Variants in PPP1R14C observed in about 807,000 individuals in gnomAD.
The protein encoded by PPP1R14C is protein phosphatase 1 regulatory subunit 14C.
In PPP1R14C, 16 loss-of-function variants were observed where a neutral mutation model predicts 20.4. The ratio of observed to expected loss-of-function variants is 0.78; its 90% CI spans 0.53 to 1.19. PPP1R14C has a LOEUF of 1.19. Ranked by LOEUF, PPP1R14C falls within the 50% of genes most tolerant of loss-of-function variation. The pLI, the probability that PPP1R14C is intolerant of heterozygous loss-of-function variation, is 0.00. For missense variants in PPP1R14C, 211 were observed against 220.1 expected, an observed-to-expected ratio of 0.96 and a Z score of 0.26; for synonymous variants, 91 against 91.0, an observed-to-expected ratio of 1.00 and a Z score of 0.00.
intron 1 of PPP1R14C, among the ~76,000 whole-genome samples, chr6:150,212,406 A>G (rs1293865840): frequency 6.6e-6 from 1 of 152,206 alleles, no homozygotes; most frequent in African/African-American, 2.4e-5. Flanking sequence ...CACAGTCCTA[A>G]GGGGAAGATG....
At chr6:150,173,330 C>T (rs1777519290) in intron 1 of PPP1R14C, among the ~76,000 whole-genome samples, 1 of 151,530 alleles carries the variant, frequency 6.6e-6, no homozygotes, top group South Asian at 2.1e-4. Context: ...GTCTCTTATC[C>T]TTACCCTTTT....
At chr6:150,146,823 T>C (rs1777185018) in intron 1 of PPP1R14C, among the ~76,000 whole-genome samples, 2 of 152,244 alleles carry the variant, frequency 1.3e-5, no homozygotes, top group South Asian at 4.2e-4. Flanking sequence ...ATGTGTCCAC[T>C]TTGTCCTAGG....
intron 3 of PPP1R14C, among the ~76,000 whole-genome samples, chr6:150,241,206 TGAAGAACTGTGG>T (rs1188247720): frequency 6.6e-6 from 1 of 152,218 alleles, no homozygotes; most frequent in East Asian, 1.9e-4. Flanking sequence ...TAAAAATCCC[TGAAGAACTGTGG>T]GGTTCAGAGA....
chr6:150,227,651 G>A (rs1778245070), intron 3 of PPP1R14C, among the ~76,000 whole-genome samples: 1 of 152,198 alleles, frequency 6.6e-6, no homozygotes, highest in South Asian at 2.1e-4. Context: ...GGGCTGGGAT[G>A]AGGAACAGAG....
intron 2 of PPP1R14C, among the ~76,000 whole-genome samples, chr6:150,216,616 T>C (rs778475174): frequency 5.3e-5 from 8 of 152,306 alleles, no homozygotes; most frequent in Non-Finnish European, 1.2e-4. Context: ...CACATGTGTA[T>C]GCAGGCTGAA....
At chr6:150,147,031 A>T (rs1777186977) in intron 1 of PPP1R14C, among the ~76,000 whole-genome samples, 1 of 151,864 alleles carries the variant, frequency 6.6e-6, no homozygotes, top group African/African-American at 2.4e-5. Context: ...GGGAAGGCTT[A>T]TACAGGTACA....
chr6:150,215,928 A>G (rs1778085955), intron 2 of PPP1R14C, among the ~76,000 whole-genome samples: 1 of 152,192 alleles, frequency 6.6e-6, no homozygotes, highest in Admixed American at 6.5e-5. Flanking sequence ...CCAAGTTGGC[A>G]GCCAAAGGAA....
At position 150,185,680 on chromosome 6, in the gene PPP1R14C, G is replaced by A. The variant is rs1777668736; in HGVS notation, c.307-29064G>A. Among the ~76,000 whole-genome samples the A allele has an allele frequency of 6.6e-6, 1 of 152,080 alleles. No individual in the cohort carries two copies. The highest frequency in any genetic ancestry group is 2.1e-4 in the South Asian group (1 of 4,818). On this transcript the variant is annotated intron_variant, in intron 1 of 3. Transcript: ENST00000361131. This position sits in a 1 kb window ranked among gnomAD's most constrained non-coding sequence, Gnocchi z 4.1. ...TATTCCAGCAAGCAGTGACAAATCA[G>A]CTCTGTGTGTCGGTGAGGATAGGCG...
intron 1 of PPP1R14C, among the ~76,000 whole-genome samples, chr6:150,184,089 C>G (rs1025007518): frequency 6.6e-6 from 1 of 152,208 alleles, no homozygotes; most frequent in African/African-American, 2.4e-5. Context: ...ATTTTATTCT[C>G]TGTCATAGAT....
intron 3 of PPP1R14C, among the ~76,000 whole-genome samples, chr6:150,230,889 A>G (rs765577554): frequency 1.3e-5 from 2 of 152,224 alleles, no homozygotes; most frequent in Non-Finnish European, 2.9e-5. Context: ...TTTTTAAAGC[A>G]GCACATTATC....
chr6:150,161,591 A>G (rs1274430632), intron 1 of PPP1R14C, among the ~76,000 whole-genome samples: 2 of 152,244 alleles, frequency 1.3e-5, no homozygotes, highest in African/African-American at 4.8e-5. Flanking sequence ...GGTTCCCACC[A>G]TCCGTATCCA....
intron 1 of PPP1R14C, among the ~76,000 whole-genome samples, chr6:150,203,577 G>A (rs573194320): frequency 1.1e-4 from 16 of 152,260 alleles, no homozygotes; most frequent in Middle Eastern, 6.8e-3. Context: ...GAGCCTTCCC[G>A]AGGCAGGAGG....
chr6:150,149,443 A>ATTTTTTTTTTTTTTTTTTTTTTTTTTTT lies in PPP1R14C; in HGVS notation c.306+5956_306+5957insTTTTTTTTTTTTTTTTTTTTTTTTTTTT, dbSNP rs1216146263. On this transcript the variant is annotated intron_variant, in intron 1 of 3. Transcript: ENST00000361131. ...CAGGCTCAAGTGATCCTCCCACCTA[A>ATTTTTTTTTTTTTTTTTTTTTTTTTTTT]TTTTTTTTTTTCTTTTTTTTTTTTT... 4.2e-5 allele frequency among the ~76,000 whole-genome samples: 5 copies of ATTTTTTTTTTTTTTTTTTTTTTTTTTTT among 119,940 alleles called. 1 individual carries two copies. The highest frequency in any genetic ancestry group is 1.3e-4 in the African/African-American group (4 of 30,254). 78.7% of individuals were successfully genotyped at this position (119,940 alleles called of 152,430 possible). A position where few individuals can be genotyped will look rare whatever the true frequency, so the allele number is the denominator to read the frequency against.
intron 1 of PPP1R14C, among the ~76,000 whole-genome samples, chr6:150,199,078 T>A (rs1777845290): frequency 1.3e-5 from 2 of 151,972 alleles, no homozygotes; most frequent in Non-Finnish European, 1.5e-5. Context: ...AAGCACTGGC[T>A]CTCAGAGGCT....
intron 1 of PPP1R14C, among the ~76,000 whole-genome samples, chr6:150,160,217 C>CTA (rs1777349174): frequency 6.6e-6 from 1 of 150,452 alleles, no homozygotes; most frequent in African/African-American, 2.5e-5. Context: ...CCTTTCCACA[C>CTA]TATATTCTTT....
chr6:150,237,295 C>G (rs756996533), intron 3 of PPP1R14C, among the ~76,000 whole-genome samples: 11 of 152,174 alleles, frequency 7.2e-5, no homozygotes, highest in Non-Finnish European at 1.3e-4. Context: ...CCTCCACCTC[C>G]TGGGTTCAAG....
rs571579299 is a variant in PPP1R14C at position 150,242,593 on chromosome 6, A to G, written c.424-6153A>G. On this transcript the variant is annotated intron_variant, in intron 3 of 3. Transcript: ENST00000361131. The stretch of plus-strand genomic sequence containing the variant: ...GATAAAAAATATCTGCAAAAAACCT[A>G]CAGGTAACATACTTGCTGGTGAAGG... 2.0e-5 allele frequency among the ~76,000 whole-genome samples: 3 copies of G among 152,346 alleles called. No individual in the cohort carries two copies. In the South Asian group the frequency reaches 6.2e-4, roughly 32 times the overall value.
rs369588136 is a variant in PPP1R14C at position 150,248,833 on chromosome 6, G to A, written c.*13G>A. ...GAAGAGTGTATGATTCTGGAACAGGGTGAAACTCTCCCAGAGACGAAGAAA... is the reference window on the plus strand; with the variant it reads ...GAAGAGTGTATGATTCTGGAACAGGATGAAACTCTCCCAGAGACGAAGAAA... On this transcript the variant is annotated 3_prime_UTR_variant, in exon 4 of 4. Coordinates refer to ENST00000361131, the MANE Select transcript of PPP1R14C (RefSeq NM_030949.3). 5 of 1,586,592 alleles carry A rather than the reference G, an allele frequency of 3.2e-6. No homozygotes were observed. In the Admixed American group the frequency reaches 5.0e-5, roughly 16 times the overall value.
At chr6:150,157,572 T>C (rs566741352) in intron 1 of PPP1R14C, among the ~76,000 whole-genome samples, 1 of 151,298 alleles carries the variant, frequency 6.6e-6, no homozygotes, top group South Asian at 2.1e-4. Flanking sequence ...GAAAGAGCCT[T>C]ATTTGGCTCA....
Sources: allele counts gnomAD v4.1 joint callset (sites outside exome capture counted in the v4.1 genomes callset), GRCh38; gene constraint gnomAD v4.1.1; non-coding constraint Gnocchi (gnomAD v3.1); transcripts MANE v1.5; gene names NCBI Gene and HGNC (gene_info 2026-07-23, HGNC 2026-07-21).